Variants in HIF1A observed in about 807,000 individuals in gnomAD.
The protein encoded by HIF1A is hypoxia-inducible factor 1-alpha.
Under a neutral mutation model 92.7 loss-of-function variants are expected in HIF1A, and 24 were observed. That is an observed-to-expected ratio of 0.26 (90% confidence interval 0.19 to 0.36). The LOEUF (loss-of-function observed/expected upper bound fraction) is 0.36. Among genes scored for constraint, HIF1A ranks in the 10% least tolerant of loss-of-function variants. HIF1A has a pLI of 1.00. For synonymous variants in HIF1A, 319 were observed against 338.7 expected (o/e 0.94, Z 0.64); for missense variants, 799 against 998.5 (o/e 0.80, Z 2.69).
At chr14:61,732,567 C>T in intron 7 of HIF1A, 43 bp downstream of exon 7, 1 of 1,201,624 alleles carries the variant, frequency 8.3e-7, no homozygotes, top group South Asian at 1.2e-5. Context: ...AATTACTTAA[C>T]TGTTGCAACC....
intron 12 of HIF1A, among the ~76,000 whole-genome samples, chr14:61,742,086 G>A (rs1340764286): frequency 6.6e-6 from 1 of 152,148 alleles, no homozygotes; most frequent in Non-Finnish European, 1.5e-5. Context: ...TTTTCAAACT[G>A]TACAACAGGA....
rs2044756641 is a variant in HIF1A at position 61,744,770 on chromosome 14, GA to G, written c.2164del (p.Met722TrpfsTer11). On this transcript the variant is annotated frameshift_variant, in exon 13 of 15. Coordinates refer to ENST00000337138, the MANE Select transcript of HIF1A (RefSeq NM_001530.4). LOFTEE classifies it high-confidence loss of function. ...ILALQNAQRK[R>X]KMEHDGSLFQ... ...GCTTTGCAGAATGCTCAGAGAAAGC[GA>G]AAAATGGAACATGATGGTTCACTTT... is the stretch of plus-strand genomic sequence containing the variant. 2 of 1,600,060 alleles carry G rather than the reference GA, an allele frequency of 1.2e-6. No individual in the cohort carries two copies. The highest frequency in any genetic ancestry group is 1.7e-5 in the Admixed American group (1 of 59,402).
intron 1 of HIF1A, among the ~76,000 whole-genome samples, chr14:61,719,550 A>G (rs2044402137): frequency 6.6e-6 from 1 of 152,250 alleles, no homozygotes; most frequent in Non-Finnish European, 1.5e-5. Context: ...CTATTCAACA[A>G]GCTATTAGAT....
chr14:61,700,736 T>G (rs1177145420), intron 1 of HIF1A, among the ~76,000 whole-genome samples: 3 of 152,242 alleles, frequency 2.0e-5, no homozygotes, highest in Admixed American at 1.3e-4. Flanking sequence ...TGCACCAGTT[T>G]ACATTCCCAC....
intron 12 of HIF1A, among the ~76,000 whole-genome samples, chr14:61,742,907 A>AAAAG (rs71117851): frequency 0.033 from 3,531 of 105,782 alleles, 577 homozygotes; most frequent in African/African-American, 0.051. Flanking sequence ...AAAAAAAAAA[A>AAAAG]GTTGTTGGAC....
At position 61,695,636 on chromosome 14, in the gene HIF1A, G is replaced by C; in HGVS notation, c.-169G>C. The stretch of plus-strand genomic sequence containing the variant: ...AGGCTCGGAGCCGGGCCCGGACCCC[G>C]GCGATTGCCGCCCGCTTCTCTCTAG... On this transcript the variant is annotated 5_prime_UTR_variant, in exon 1 of 15. Transcript: ENST00000337138. The C allele has an allele frequency of 1.4e-6, 1 of 706,330 alleles. No individual in the cohort carries two copies. Among genetic ancestry groups the C allele is most frequent in the Non-Finnish European group, 2.3e-6 (1 of 431,822 alleles). 43.8% of individuals were successfully genotyped at this position (706,330 alleles called of 1,614,324 possible).
chr14:61,724,670 G>C (rs1236421327), intron 4 of HIF1A, among the ~76,000 whole-genome samples: 1 of 151,920 alleles, frequency 6.6e-6, no homozygotes, highest in African/African-American at 2.4e-5. Context: ...CAATATACTA[G>C]CATTACAGTT....
At chr14:61,728,737 TCTTGA>T (rs1262119357) in intron 6 of HIF1A, among the ~76,000 whole-genome samples, 1 of 152,176 alleles carries the variant, frequency 6.6e-6, no homozygotes, top group Non-Finnish European at 1.5e-5. Context: ...TCATTATTAC[TCTTGA>T]CTTGAGTTGT....
At position 61,707,551 on chromosome 14, in the gene HIF1A, G is replaced by A. The variant is rs568235798; in HGVS notation, c.35+11712G>A. 5.1e-3 allele frequency among the ~76,000 whole-genome samples: 772 copies of A among 151,782 alleles called. 6 individuals carry two copies. The highest frequency in any genetic ancestry group is 0.017 in the African/African-American group (723 of 41,352). On this transcript the variant is annotated intron_variant, in intron 1 of 14. Transcript: ENST00000337138. ...AGTTCCTACCTATGAGTGAGAACAC[G>A]CGGTGTTTGGTTTTTTGTCCTTGCG...
rs926624286 is a variant in HIF1A at position 61,747,323 on chromosome 14, T to C, written c.*238T>C. 3.0e-6 allele frequency: 1 copy of C among 330,206 alleles called. No homozygotes were observed. The highest frequency in any genetic ancestry group is 5.5e-6 in the Non-Finnish European group (1 of 183,084). The allele number at this position is 330,206 out of a possible 1,614,324, so 20.5% of individuals were successfully genotyped here. A position where few individuals can be genotyped will look rare whatever the true frequency, so the allele number is the denominator to read the frequency against. ...GTTTTTTGGTATTTAAACCATTGCA[T>C]TGCAGTAGCATCATTTTAAAAAATG... On this transcript the variant is annotated 3_prime_UTR_variant, in exon 15 of 15. Coordinates refer to ENST00000337138, the MANE Select transcript of HIF1A (RefSeq NM_001530.4).
rs556538201 is a variant in HIF1A, at chr14:61,720,657, T to C, written c.226+85T>C. On this transcript the variant is annotated intron_variant, in intron 2 of 14. Coordinates refer to ENST00000337138, the MANE Select transcript of HIF1A (RefSeq NM_001530.4). ...AATTATTTTTAGAAGGTGGTCGCAA[T>C]GTTTTGATTTTGTATACCTCTTTAT... The C allele has an allele frequency of 7.1e-4, 623 of 876,780 alleles. 6 individuals carry two copies. The African/African-American group carries it at 9.3e-3, about 13-fold the overall frequency. The allele number at this position is 876,780 out of a possible 1,614,324, so 54.3% of individuals were successfully genotyped here.
intron 8 of HIF1A, among the ~76,000 whole-genome samples, chr14:61,734,818 A>C (rs964647187): frequency 1.3e-5 from 2 of 152,230 alleles, no homozygotes; most frequent in Non-Finnish European, 1.5e-5. Context: ...GTGAATGATG[A>C]GTTAATGGAT....
intron 1 of HIF1A, among the ~76,000 whole-genome samples, chr14:61,702,942 GA>G (rs2044194249): frequency 6.6e-6 from 1 of 152,168 alleles, no homozygotes. Context: ...TAGTGAGGAA[GA>G]GTATCAGAAT....
chr14:61,740,379 T>C, intron 10 of HIF1A, 126 bp from the exon 11 acceptor site: 1 of 717,458 alleles, frequency 1.4e-6, no homozygotes, highest in Non-Finnish European at 2.3e-6. Flanking sequence ...TAAATAAAAT[T>C]TGATAAACAC....
intron 14 of HIF1A, among the ~76,000 whole-genome samples, chr14:61,746,027 C>G (rs957247500): frequency 2.0e-5 from 3 of 151,992 alleles, no homozygotes; most frequent in African/African-American, 7.2e-5. Flanking sequence ...AGTTGGAGAC[C>G]AGCCTGGCCA....
At chr14:61,745,952 G>T in intron 14 of HIF1A, 135 bp downstream of exon 14, 1 of 759,742 alleles carries the variant, frequency 1.3e-6, no homozygotes, top group South Asian at 1.9e-5. Flanking sequence ...GGCTGGGCGC[G>T]GTGGCTCACA....
At chr14:61,706,531 G>C (rs1311995541) in intron 1 of HIF1A, among the ~76,000 whole-genome samples, 1 of 152,132 alleles carries the variant, frequency 6.6e-6, no homozygotes, top group Non-Finnish European at 1.5e-5. Context: ...GACAAACATG[G>C]TATGTTATAG....
intron 4 of HIF1A, among the ~76,000 whole-genome samples, chr14:61,724,887 T>A (rs1384406402): frequency 1.3e-5 from 2 of 152,246 alleles, no homozygotes; most frequent in Non-Finnish European, 2.9e-5. Flanking sequence ...AAGCCCCTTG[T>A]TGAATATTTA....
Position 61,734,134 on chromosome 14 carries a change from C to T in HIF1A, c.881-4C>T. On this transcript the variant is annotated splice_region_variant and splice_polypyrimidine_tract_variant and intron_variant, in intron 7 of 14. Transcript: ENST00000337138. ...TGCATGATTCTTTTTCTTTTCCCCC[C>T]TAGTGTTTACTAAAGGACAAGTCAC... The T allele has an allele frequency of 3.2e-6, 5 of 1,545,384 alleles. No individual in the cohort carries two copies. Among genetic ancestry groups the T allele is most frequent in the Non-Finnish European group, 4.4e-6 (5 of 1,148,432 alleles).
Sources: allele counts gnomAD v4.1 joint callset (sites outside exome capture counted in the v4.1 genomes callset), GRCh38; gene constraint gnomAD v4.1.1; transcripts MANE v1.5; gene names NCBI Gene and HGNC (gene_info 2026-07-23, HGNC 2026-07-21).